Variants in CLYBL observed in about 807,000 individuals in gnomAD.
CLYBL encodes citramalyl-CoA lyase, mitochondrial.
CLYBL carries 31 observed loss-of-function variants against 38.9 expected under a neutral mutation model. The ratio of observed to expected loss-of-function variants is 0.80; its 90% CI spans 0.60 to 1.08. The LOEUF is 1.08. Ranked by LOEUF, CLYBL falls within the 50% of genes least tolerant of loss-of-function variation. The pLI is 0.00. For synonymous variants in CLYBL, 171 were observed against 158.6 expected (o/e 1.08, Z -0.59); for missense variants, 434 against 411.6 (o/e 1.05, Z -0.47).
rs2047328387 is a variant in CLYBL, at chr13:99,656,224, GGGGTGGAGAACCCCCAGACCTTA to G, written c.62+49474_62+49496del. Among the ~76,000 whole-genome samples, 4 of 152,316 alleles carry G rather than the reference GGGGTGGAGAACCCCCAGACCTTA, an allele frequency of 2.6e-5. 1 individual carries two copies. In the South Asian group the frequency reaches 8.3e-4, roughly 32 times the overall value. On this transcript the variant is annotated intron_variant, in intron 1 of 8. Coordinates refer to ENST00000339105, the MANE Select transcript of CLYBL (RefSeq NM_206808.5). Reference sequence around the variant, plus strand: ...ATGAGCCAGGATGCGGTGGAGAAATGGGGTGGAGAACCCCCAGACCTTAGGGTGGCGTGTTTGTCAGGGAGTAG... The same window carrying G: ...ATGAGCCAGGATGCGGTGGAGAAATGGGGTGGCGTGTTTGTCAGGGAGTAG...
chr13:99,630,463 C>T (rs1049017814), intron 1 of CLYBL, among the ~76,000 whole-genome samples: 1 of 152,074 alleles, frequency 6.6e-6, no homozygotes. Context: ...GGTTCAGAGA[C>T]GTGCTAAAAG....
At chr13:99,835,217 C>G (rs1324376700) in intron 2 of CLYBL, among the ~76,000 whole-genome samples, 1 of 152,190 alleles carries the variant, frequency 6.6e-6, no homozygotes, top group Non-Finnish European at 1.5e-5. Context: ...GCTGCTACAA[C>G]AGAAAAGACA....
chr13:99,733,895 C>T (rs1455993448), intron 1 of CLYBL, among the ~76,000 whole-genome samples: 3 of 152,192 alleles, frequency 2.0e-5, no homozygotes, highest in Non-Finnish European at 2.9e-5. Context: ...TGCAGCGTAA[C>T]CCCAAATCTT....
intron 1 of CLYBL, among the ~76,000 whole-genome samples, chr13:99,737,043 A>G (rs2048679670): frequency 6.6e-6 from 1 of 152,200 alleles, no homozygotes; most frequent in Non-Finnish European, 1.5e-5. Flanking sequence ...TAATCATAAC[A>G]TTATTTTAGT....
At chr13:99,815,273 T>G (rs2181607) in intron 2 of CLYBL, among the ~76,000 whole-genome samples, 104,812 of 151,776 alleles carry the variant, frequency 0.69, 38,530 homozygotes, top group East Asian at 0.93. Flanking sequence ...GTGTACGTGT[T>G]TGTGAATGGC....
At position 99,864,256 on chromosome 13, in the gene CLYBL, G is replaced by A. The variant is rs775167871; in HGVS notation, c.541-562G>A. ...TATATCTCCACCTTTCAAGATTCACGGTTATGTCTACGACGAATGGTATTT... is the reference window on the plus strand; with the variant it reads ...TATATCTCCACCTTTCAAGATTCACAGTTATGTCTACGACGAATGGTATTT... On this transcript the variant is annotated intron_variant, in intron 4 of 8. Coordinates refer to ENST00000339105, the MANE Select transcript of CLYBL (RefSeq NM_206808.5). Among the ~76,000 whole-genome samples, 7 of 152,242 alleles carry A rather than the reference G, an allele frequency of 4.6e-5. No individual in the cohort carries two copies. The East Asian group carries it at 5.8e-4, about 13-fold the overall frequency.
intron 1 of CLYBL, among the ~76,000 whole-genome samples, chr13:99,631,361 G>GTGTGTGTGTA (rs934469351): frequency 6.7e-6 from 1 of 149,084 alleles, no homozygotes; most frequent in Non-Finnish European, 1.5e-5. Flanking sequence ...GTGTGTGTGT[G>GTGTGTGTGTA]TGTATGTATA....
chr13:99,814,729 GAAA>G (rs36062611), intron 2 of CLYBL, among the ~76,000 whole-genome samples: 1 of 123,832 alleles, frequency 8.1e-6, no homozygotes, highest in Admixed American at 8.3e-5. Context: ...CCCTGTCTCA[GAAA>G]AAAAAAAAAA....
intron 1 of CLYBL, among the ~76,000 whole-genome samples, chr13:99,770,606 C>T (rs1594171246): frequency 2.0e-5 from 3 of 151,950 alleles, no homozygotes; most frequent in East Asian, 1.9e-4. Flanking sequence ...CGTGAGCCAC[C>T]GCGCCCGGTC....
downstream of CLYBL, chr13:99,896,544 C>T (rs1381416889): frequency 6.6e-6 from 1 of 152,278 alleles, no homozygotes; most frequent in Non-Finnish European, 1.5e-5. Flanking sequence ...CCCGGTGCAG[C>T]TCCCTGGTCG....
At position 99,677,083 on chromosome 13, in the gene CLYBL, A is replaced by C. The variant is rs1214451931; in HGVS notation, c.62+70326A>C. ...CTGTGTCAGCCATAATTACTGCTGA[A>C]TGTGACTCCTGTGTATACGGTCATT... On this transcript the variant is annotated intron_variant, in intron 1 of 8. Transcript: ENST00000339105. 4.6e-5 allele frequency among the ~76,000 whole-genome samples: 7 copies of C among 152,040 alleles called. No individual in the cohort carries two copies. In the East Asian group the frequency reaches 1.3e-3, roughly 29 times the overall value.
chr13:99,895,066 G>A (rs1480445438), downstream of CLYBL: 1 of 152,134 alleles, frequency 6.6e-6, no homozygotes. Context: ...AACTCCTTCC[G>A]TGGCATATTT....
chr13:99,854,664 C>G (rs571898978), intron 2 of CLYBL, among the ~76,000 whole-genome samples: 2 of 152,040 alleles, frequency 1.3e-5, no homozygotes, highest in Non-Finnish European at 2.9e-5. Context: ...TAGAAACTTG[C>G]GAGGATGATT....
intron 1 of CLYBL, among the ~76,000 whole-genome samples, chr13:99,679,890 A>T (rs748071770): frequency 1.3e-5 from 2 of 152,146 alleles, no homozygotes; most frequent in Non-Finnish European, 2.9e-5. Flanking sequence ...CTAGATCCTG[A>T]TGTGAGAAAC....
chr13:99,846,870 T>C (rs2051218044), intron 2 of CLYBL, among the ~76,000 whole-genome samples: 1 of 152,180 alleles, frequency 6.6e-6, no homozygotes, highest in Non-Finnish European at 1.5e-5. Flanking sequence ...GCTGAGTCGG[T>C]CTTAACCCAC....
intron 4 of CLYBL, among the ~76,000 whole-genome samples, chr13:99,864,174 AAC>A (rs2051681410): frequency 6.6e-6 from 1 of 151,470 alleles, no homozygotes; most frequent in Non-Finnish European, 1.5e-5. Flanking sequence ...GAAATTAATC[AAC>A]AGTGTCCCCA....
At chr13:99,819,436 A>G (rs867447759) in intron 2 of CLYBL, among the ~76,000 whole-genome samples, 8 of 76,818 alleles carry the variant, frequency 1.0e-4, no homozygotes, top group Admixed American at 5.7e-4. Flanking sequence ...ATATATATAT[A>G]TATATATATA....
intron 1 of CLYBL, among the ~76,000 whole-genome samples, chr13:99,681,177 A>G (rs955113511): frequency 3.9e-5 from 6 of 152,218 alleles, no homozygotes; most frequent in African/African-American, 2.4e-5. Flanking sequence ...GGAAAAATAA[A>G]TGGAGATAAA....
chr13:99,787,476 T>G (rs1594183004), intron 2 of CLYBL, among the ~76,000 whole-genome samples: 1 of 152,214 alleles, frequency 6.6e-6, no homozygotes, highest in East Asian at 1.9e-4. Context: ...CCATTTCTTG[T>G]TTTTGTCAGG....
Sources: gnomAD v4.1 joint callset for allele counts (sites outside exome capture counted in the v4.1 genomes callset) on GRCh38, gnomAD v4.1.1 for gene constraint, MANE v1.5 for transcripts, NCBI Gene and HGNC (gene_info 2026-07-23, HGNC 2026-07-21) for gene names.